The following ANXA8 variants were observed in gnomAD, a reference collection of about 807,000 sequenced individuals.
ANXA8 encodes the protein VAC-beta.
In ANXA8, 9 loss-of-function variants were observed where a neutral mutation model predicts 26.8. The ratio of observed to expected loss-of-function variants is 0.34; its 90% CI spans 0.20 to 0.59. The LOEUF is 0.59. Among genes scored for constraint, ANXA8 ranks in the 20% least tolerant of loss-of-function variants. The pLI is 0.84. For missense variants in ANXA8, 83 were observed against 238.5 expected, an observed-to-expected ratio of 0.35 and a Z score of 4.29; for synonymous variants, 39 against 94.8, an observed-to-expected ratio of 0.41 and a Z score of 3.42.
the ANXA8 span, among the ~76,000 whole-genome samples, chr10:47,673,251 T>C: frequency 6.6e-6 from 1 of 151,562 alleles, no homozygotes; most frequent in East Asian, 1.9e-4. Context: ...GCATAGATAA[T>C]ACCTGAGGCA....
At chr10:47,550,031 TG>T in the ANXA8 span, among the ~76,000 whole-genome samples, 1 of 151,718 alleles carries the variant, frequency 6.6e-6, no homozygotes, top group Admixed American at 6.6e-5. Flanking sequence ...GTAGGAGGAT[TG>T]CTTGAGCCTG....
At chr10:47,480,910 A>C (rs1839758528) in intron 1 of ANXA8, among the ~76,000 whole-genome samples, 1 of 130,252 alleles carries the variant, frequency 7.7e-6, no homozygotes, top group Non-Finnish European at 1.6e-5. Flanking sequence ...CCATCCATCG[A>C]AGCCCTGGGT....
chr10:47,493,644 G>A, the ANXA8 span, among the ~76,000 whole-genome samples: 1 of 151,096 alleles, frequency 6.6e-6, no homozygotes, highest in African/African-American at 2.5e-5. Context: ...CAGACAGCCT[G>A]TTGTCAGAGC....
the ANXA8 span, among the ~76,000 whole-genome samples, chr10:47,551,199 G>C: frequency 9.2e-5 from 14 of 152,030 alleles, 1 homozygote; most frequent in East Asian, 2.5e-3. Context: ...TAAGAGCAGA[G>C]GCTCTGGAGT....
At chr10:47,674,289 A>ATGTAGT in the ANXA8 span, among the ~76,000 whole-genome samples, 9 of 146,946 alleles carry the variant, frequency 6.1e-5, no homozygotes, top group Non-Finnish European at 1.3e-4. Context: ...ATGCCACCAC[A>ATGTAGT]CCTGGCTAAT....
At chr10:47,674,974 T>G in the ANXA8 span, among the ~76,000 whole-genome samples, 2 of 149,668 alleles carry the variant, frequency 1.3e-5, no homozygotes, top group Non-Finnish European at 1.5e-5. Flanking sequence ...AGTATATGCT[T>G]TAGTATATGC....
chr10:47,743,405 T>TGAGAGAGAGAGAGAGA, the ANXA8 span, among the ~76,000 whole-genome samples: 1 of 83,530 alleles, frequency 1.2e-5, no homozygotes, highest in African/African-American at 4.9e-5. Context: ...TGTGTGTGTG[T>TGAGAGAGAGAGAGAGA]GAGAGAGAGA....
At chr10:47,675,783 A>C in the ANXA8 span, among the ~76,000 whole-genome samples, 1 of 151,866 alleles carries the variant, frequency 6.6e-6, no homozygotes, top group African/African-American at 2.4e-5. Flanking sequence ...GTAGAAGAAG[A>C]CCCAGAGATG....
At chr10:47,962,690 ACAC>A in the ANXA8 span, among the ~76,000 whole-genome samples, 6,422 of 150,598 alleles carry the variant, frequency 0.043, 1 homozygote, top group African/African-American at 0.15. Flanking sequence ...CTGTGCATGC[ACAC>A]AAGTGTATAC....
chr10:47,940,605 G>C, the ANXA8 span, among the ~76,000 whole-genome samples: 1 of 147,592 alleles, frequency 6.8e-6, no homozygotes, highest in South Asian at 2.1e-4. Flanking sequence ...CGAGGAGGGT[G>C]GATCATGAGG....
the ANXA8 span, among the ~76,000 whole-genome samples, chr10:47,687,802 T>C: frequency 1.3e-5 from 2 of 151,888 alleles, no homozygotes; most frequent in East Asian, 3.9e-4. Flanking sequence ...TAATCATTTT[T>C]TTAAAAAGAG....
At chr10:47,980,945 C>A in the ANXA8 span, among the ~76,000 whole-genome samples, 2 of 151,332 alleles carry the variant, frequency 1.3e-5, no homozygotes, top group Admixed American at 1.3e-4. Context: ...ATAGAAGAAA[C>A]AAACTTCAAC....
chr10:47,743,214 A>G, the ANXA8 span, among the ~76,000 whole-genome samples: 1 of 136,722 alleles, frequency 7.3e-6, no homozygotes, highest in Admixed American at 7.5e-5. Context: ...AAAAATCTCA[A>G]TGCAATCCCA....
chr10:47,543,807 C>G, the ANXA8 span: 1 of 197,088 alleles, frequency 5.1e-6, no homozygotes, highest in African/African-American at 2.6e-5. Flanking sequence ...AAGCACCGTT[C>G]ACCATCCAGC....
the ANXA8 span, among the ~76,000 whole-genome samples, chr10:47,495,897 G>C: frequency 6.6e-6 from 1 of 151,654 alleles, no homozygotes; most frequent in Non-Finnish European, 1.5e-5. Flanking sequence ...AGGACCCTCA[G>C]AGTGAGAACG....
the ANXA8 span, among the ~76,000 whole-genome samples, chr10:47,519,138 T>C: frequency 7.3e-6 from 1 of 137,320 alleles, no homozygotes; most frequent in Non-Finnish European, 1.5e-5. Context: ...CCCATCCCCA[T>C]GGTAATAAGC....
chr10:47,720,743 T>G, the ANXA8 span, among the ~76,000 whole-genome samples: 1 of 140,674 alleles, frequency 7.1e-6, no homozygotes, highest in Non-Finnish European at 1.5e-5. Context: ...TTATAGAAGC[T>G]TAATTTGTAA....
the ANXA8 span, among the ~76,000 whole-genome samples, chr10:47,899,059 A>C: frequency 6.6e-6 from 1 of 151,494 alleles, no homozygotes; most frequent in African/African-American, 2.4e-5. Context: ...GTGGGTCTTG[A>C]GCTCCTGACC....
chr10:47,495,354 C>T, the ANXA8 span, among the ~76,000 whole-genome samples: 6 of 148,766 alleles, frequency 4.0e-5, no homozygotes, highest in Admixed American at 1.3e-4. Flanking sequence ...AGCATGATCT[C>T]GGCTCACTGC....
Sources: gnomAD v4.1 joint callset for allele counts (sites outside exome capture counted in the v4.1 genomes callset) on GRCh38, gnomAD v4.1.1 for gene constraint, MANE v1.5 for transcripts, NCBI Gene and HGNC (gene_info 2026-07-23, HGNC 2026-07-21) for gene names.